Variants in CENPW observed in about 807,000 individuals in gnomAD.
CENPW encodes the protein cancer-up-regulated gene 2 protein.
CENPW carries 3 observed loss-of-function variants against 11.1 expected under a neutral mutation model. That is an observed-to-expected ratio of 0.27 (90% CI 0.12 to 0.70). CENPW has a LOEUF of 0.70. CENPW is among the 30% of genes least tolerant of loss of function. CENPW has a pLI of 0.77. For missense variants in CENPW, 100 were observed against 105.6 expected, an observed-to-expected ratio of 0.95 and a Z score of 0.23; for synonymous variants, 38 against 42.0, an observed-to-expected ratio of 0.91 and a Z score of 0.37.
the CENPW span, among the ~76,000 whole-genome samples, chr6:126,473,607 C>T: frequency 6.6e-6 from 1 of 151,866 alleles, no homozygotes; most frequent in Non-Finnish European, 1.5e-5. Context: ...GTGGCACATG[C>T]TTTTAATTCC....
chr6:126,480,994 A>G, the CENPW span, among the ~76,000 whole-genome samples: 1 of 152,040 alleles, frequency 6.6e-6, no homozygotes, highest in Admixed American at 6.6e-5. Flanking sequence ...ATAGCTTTGT[A>G]ATAAGATCAA....
At chr6:126,470,599 A>C in the CENPW span, among the ~76,000 whole-genome samples, 1 of 152,174 alleles carries the variant, frequency 6.6e-6, no homozygotes, top group Non-Finnish European at 1.5e-5. Context: ...CAGACCCCAG[A>C]ATGGTAGATC....
At chr6:126,450,611 T>C in the CENPW span, among the ~76,000 whole-genome samples, 2 of 150,986 alleles carry the variant, frequency 1.3e-5, no homozygotes, top group Admixed American at 6.6e-5. Context: ...TTATTGCATT[T>C]GTTACACTCT....
At chr6:126,382,581 G>C in the CENPW span, among the ~76,000 whole-genome samples, 1 of 152,082 alleles carries the variant, frequency 6.6e-6, no homozygotes, top group Non-Finnish European at 1.5e-5. Flanking sequence ...AAAATAGCCA[G>C]TATGGAAAAG....
the CENPW span, among the ~76,000 whole-genome samples, chr6:126,424,122 C>T: frequency 6.6e-6 from 1 of 152,040 alleles, no homozygotes; most frequent in Admixed American, 6.6e-5. Flanking sequence ...AGATTCTTAA[C>T]CTACTAACAT....
the CENPW span, among the ~76,000 whole-genome samples, chr6:126,369,524 T>C: frequency 2.6e-5 from 4 of 152,220 alleles, no homozygotes; most frequent in African/African-American, 7.2e-5. Flanking sequence ...ATTTCCCTGA[T>C]CATTAGTGAT....
At chr6:126,385,834 A>T in the CENPW span, among the ~76,000 whole-genome samples, 1 of 152,092 alleles carries the variant, frequency 6.6e-6, no homozygotes, top group East Asian at 1.9e-4. Flanking sequence ...TTGCTGAACT[A>T]TGAGTCAGCT....
At chr6:126,357,282 G>T in the CENPW span, among the ~76,000 whole-genome samples, 1 of 152,110 alleles carries the variant, frequency 6.6e-6, no homozygotes, top group Non-Finnish European at 1.5e-5. Flanking sequence ...TGTTCCATTG[G>T]TCTATGTGTC....
the CENPW span, among the ~76,000 whole-genome samples, chr6:126,450,643 G>A: frequency 6.6e-6 from 1 of 150,830 alleles, no homozygotes; most frequent in Admixed American, 6.6e-5. Flanking sequence ...GCAACTCATG[G>A]AAAGGCATGC....
chr6:126,352,725 T>C (rs1322522142), downstream of CENPW, among the ~76,000 whole-genome samples: 1 of 152,144 alleles, frequency 6.6e-6, no homozygotes, highest in Admixed American at 6.6e-5. Context: ...TTTCATCTTA[T>C]CTGGTAGTCT....
At chr6:126,340,442 G>C in intron 1 of CENPW, 43 bp downstream of exon 1, 2 of 1,614,048 alleles carry the variant, frequency 1.2e-6, no homozygotes, top group Non-Finnish European at 1.7e-6. Context: ...GGGCACGGGA[G>C]AGGTAAGGGC....
chr6:126,341,780 A>G (rs1235555710), intron 1 of CENPW, among the ~76,000 whole-genome samples: 5 of 152,190 alleles, frequency 3.3e-5, no homozygotes, highest in Non-Finnish European at 1.5e-5. Context: ...CTGATCAAAG[A>G]TATCCAAGAG....
the CENPW span, among the ~76,000 whole-genome samples, chr6:126,479,081 G>C: frequency 6.6e-6 from 1 of 151,910 alleles, no homozygotes; most frequent in Admixed American, 6.6e-5. Flanking sequence ...TCCTCCTTCG[G>C]TTTATGTGGC....
At chr6:126,435,980 G>T in the CENPW span, among the ~76,000 whole-genome samples, 1 of 151,792 alleles carries the variant, frequency 6.6e-6, no homozygotes, top group East Asian at 1.9e-4. Flanking sequence ...TAAAAGCTTG[G>T]CTTATAAATG....
At chr6:126,413,138 A>G in the CENPW span, among the ~76,000 whole-genome samples, 1 of 151,710 alleles carries the variant, frequency 6.6e-6, no homozygotes, top group Non-Finnish European at 1.5e-5. Flanking sequence ...ACCTTTAAAA[A>G]TAATAAAAGA....
At chr6:126,386,060 G>T in the CENPW span, among the ~76,000 whole-genome samples, 1 of 152,002 alleles carries the variant, frequency 6.6e-6, no homozygotes, top group African/African-American at 2.4e-5. Flanking sequence ...TATTATAACA[G>T]GTAAAAGGAA....
the CENPW span, among the ~76,000 whole-genome samples, chr6:126,374,975 A>G: frequency 1.3e-5 from 2 of 152,246 alleles, no homozygotes; most frequent in African/African-American, 4.8e-5. Context: ...TAAATCATCT[A>G]TAGAAACAAG....
chr6:126,471,264 C>G, the CENPW span, among the ~76,000 whole-genome samples: 1 of 152,086 alleles, frequency 6.6e-6, no homozygotes, highest in African/African-American at 2.4e-5. Flanking sequence ...CTCATGAGAT[C>G]TGATGGTTTA....
chr6:126,466,893 C>T, the CENPW span, among the ~76,000 whole-genome samples: 1 of 151,888 alleles, frequency 6.6e-6, no homozygotes, highest in Non-Finnish European at 1.5e-5. Context: ...TCACAATTAC[C>T]ACAAAAAGAA....
Sources: gnomAD v4.1 joint callset for allele counts (sites outside exome capture counted in the v4.1 genomes callset) on GRCh38, gnomAD v4.1.1 for gene constraint, MANE v1.5 for transcripts, NCBI Gene and HGNC (gene_info 2026-07-23, HGNC 2026-07-21) for gene names.